RABGAP1L: variants seen among roughly 807,000 people sequenced by gnomAD.
RABGAP1L encodes the protein RAB GTPase activating protein 1 like, also known as rab GTPase-activating protein 1-like.
A neutral mutation model predicts 137.7 loss-of-function variants in RABGAP1L; 63 were observed. The observed-to-expected ratio is 0.46, with a 90% CI of 0.37 to 0.56. The LOEUF (loss-of-function observed/expected upper bound fraction) is 0.56, where lower values mean the gene tolerates loss of function less well. RABGAP1L is among the 20% of genes least tolerant of loss of function. The pLI is 0.00. For synonymous variants in RABGAP1L, 431 were observed against 433.7 expected (o/e 0.99, Z 0.08); for missense variants, 1,095 against 1,244.0 (o/e 0.88, Z 1.80).
intron 13 of RABGAP1L, among the ~76,000 whole-genome samples, chr1:174,538,975 A>G (rs1274399674): frequency 6.6e-6 from 1 of 152,156 alleles, no homozygotes; most frequent in African/African-American, 2.4e-5. Flanking sequence ...TAGGCACTAG[A>G]GATAGACTGC....
rs75408856 is a variant in RABGAP1L at position 174,407,005 on chromosome 1, A to G, written c.1710+12860A>G. Among the ~76,000 whole-genome samples the G allele has an allele frequency of 7.2e-4, 110 of 152,296 alleles. 1 individual carries two copies. Among genetic ancestry groups the G allele is most frequent in the African/African-American group, 2.3e-3 (95 of 41,568 alleles). ...AGCACATATTTCTAGAACATATTTA[A>G]TTTATGTTTCATTGGGTAATATGGT... On this transcript the variant is annotated intron_variant, in intron 13 of 25. Coordinates refer to ENST00000681986, the MANE Select transcript of RABGAP1L (RefSeq NM_001366446.1).
rs192584721 is a variant in RABGAP1L, at chr1:174,876,108, T to C, written c.2340+64148T>C. 8.3e-4 allele frequency among the ~76,000 whole-genome samples: 127 copies of C among 152,268 alleles called. 1 individual carries two copies. Among genetic ancestry groups the C allele is most frequent in the Non-Finnish European group, 1.2e-3 (83 of 68,004 alleles). ...GGACAAGGTGTTATACAAGTAATCA[T>C]GTTAATGTAGATGAAAAAAATACTT... On this transcript the variant is annotated intron_variant, in intron 19 of 25. Coordinates refer to ENST00000681986, the MANE Select transcript of RABGAP1L (RefSeq NM_001366446.1).
intron 13 of RABGAP1L, among the ~76,000 whole-genome samples, chr1:174,551,047 T>C (rs1199178453): frequency 1.4e-4 from 19 of 137,090 alleles, no homozygotes; most frequent in African/African-American, 2.3e-4. Flanking sequence ...CATATATATA[T>C]ACACACAAAA....
intron 11 of RABGAP1L, among the ~76,000 whole-genome samples, chr1:174,321,570 T>C (rs1679990901): frequency 6.6e-6 from 1 of 152,162 alleles, no homozygotes; most frequent in Non-Finnish European, 1.5e-5. Flanking sequence ...AGAACCTACA[T>C]TGAAATATTG....
chr1:174,527,362 C>T (rs538612148), intron 13 of RABGAP1L, among the ~76,000 whole-genome samples: 1 of 152,068 alleles, frequency 6.6e-6, no homozygotes, highest in African/African-American at 2.4e-5. Flanking sequence ...GCCACCATGC[C>T]CCGTGAATTT....
chr1:174,486,193 C>T (rs1344340517), intron 13 of RABGAP1L, among the ~76,000 whole-genome samples: 2 of 149,606 alleles, frequency 1.3e-5, no homozygotes, highest in Non-Finnish European at 3.0e-5. Context: ...TCCTTTTTCA[C>T]CTCTGATTCT....
rs192497187 is a variant in RABGAP1L at position 174,463,635 on chromosome 1, C to T, written c.1710+69490C>T. Among the ~76,000 whole-genome samples the T allele has an allele frequency of 4.5e-4, 69 of 151,972 alleles. 1 individual carries two copies. The highest frequency in any genetic ancestry group is 1.4e-3 in the Admixed American group (21 of 15,258). ...ATGTAACTAACCTGTACATTGTGCA[C>T]ATGTACCCTAAAACTTAAAGTATAA... On this transcript the variant is annotated intron_variant, in intron 13 of 25. Transcript: ENST00000681986.
At chr1:174,685,308 A>C (rs1448825063) in intron 15 of RABGAP1L, among the ~76,000 whole-genome samples, 1 of 152,126 alleles carries the variant, frequency 6.6e-6, no homozygotes, top group Non-Finnish European at 1.5e-5. Context: ...GCTGGAATGC[A>C]GTGGCACAAT....
At chr1:174,853,100 A>G (rs1363837413) in intron 19 of RABGAP1L, among the ~76,000 whole-genome samples, 1 of 152,050 alleles carries the variant, frequency 6.6e-6, no homozygotes, top group African/African-American at 2.4e-5. Flanking sequence ...AGAGTAGCAA[A>G]AATTATATTA....
In RABGAP1L at chr1:174,714,868, T is replaced by A. The variant is rs559084884; in HGVS notation, c.2169+12612T>A. Among the ~76,000 whole-genome samples the A allele has an allele frequency of 1.4e-4, 21 of 152,332 alleles. No homozygotes were observed. In the South Asian group the frequency reaches 4.4e-3, roughly 32 times the overall value. On this transcript the variant is annotated intron_variant, in intron 17 of 25. Coordinates refer to ENST00000681986, the MANE Select transcript of RABGAP1L (RefSeq NM_001366446.1). Reference sequence around the variant, plus strand: ...CTAAGTATTTCTAGTGTGTGTGTAATTTAAGACTAAAATTCTTAATGTTGA... The same window carrying A: ...CTAAGTATTTCTAGTGTGTGTGTAAATTAAGACTAAAATTCTTAATGTTGA...
intron 14 of RABGAP1L, among the ~76,000 whole-genome samples, chr1:174,660,537 C>T (rs1326052134): frequency 6.6e-6 from 1 of 152,170 alleles, no homozygotes; most frequent in Non-Finnish European, 1.5e-5. Flanking sequence ...TATCTCCTAC[C>T]TGGTCACCTT....
intron 19 of RABGAP1L, among the ~76,000 whole-genome samples, chr1:174,866,144 A>G (rs894468236): frequency 2.0e-5 from 3 of 150,190 alleles, no homozygotes; most frequent in African/African-American, 7.4e-5. Flanking sequence ...AGAGAGAGAG[A>G]GAGAGAGAGA....
At chr1:174,747,315 T>A (rs1391055758) in intron 17 of RABGAP1L, among the ~76,000 whole-genome samples, 1 of 150,692 alleles carries the variant, frequency 6.6e-6, no homozygotes, top group Non-Finnish European at 1.5e-5. Flanking sequence ...GTTGAGAGGA[T>A]TGCTTGAGCC....
intron 13 of RABGAP1L, among the ~76,000 whole-genome samples, chr1:174,463,542 A>T (rs570543577): frequency 2.0e-5 from 3 of 152,110 alleles, no homozygotes; most frequent in African/African-American, 7.2e-5. Context: ...GGATAGCATT[A>T]GGAGATATAC....
At chr1:174,528,660 T>G (rs1360911310) in intron 13 of RABGAP1L, among the ~76,000 whole-genome samples, 2 of 151,990 alleles carry the variant, frequency 1.3e-5, no homozygotes, top group Non-Finnish European at 2.9e-5. Context: ...TGTCTTTGAC[T>G]TTAGACAATT....
chr1:174,530,748 C>T (rs1019762043), intron 13 of RABGAP1L, among the ~76,000 whole-genome samples: 22 of 151,996 alleles, frequency 1.4e-4, no homozygotes, highest in Non-Finnish European at 3.1e-4. Flanking sequence ...TTTGGTTCTT[C>T]TTAGTGGAGG....
chr1:174,327,954 TAA>T (rs1571236214), intron 11 of RABGAP1L, among the ~76,000 whole-genome samples: 1 of 74,074 alleles, frequency 1.3e-5, no homozygotes, highest in African/African-American at 8.9e-5. Flanking sequence ...ATAACAGTTG[TAA>T]ATATATATAT....
chr1:174,825,654 T>TGGTG (rs1018196240), intron 19 of RABGAP1L, among the ~76,000 whole-genome samples: 1 of 152,162 alleles, frequency 6.6e-6, no homozygotes, highest in African/African-American at 2.4e-5. Flanking sequence ...GAGGCCAAGG[T>TGGTG]GGTGGATCAC....
intron 14 of RABGAP1L, among the ~76,000 whole-genome samples, chr1:174,655,575 C>G (rs1675900208): frequency 6.6e-6 from 1 of 152,096 alleles, no homozygotes; most frequent in African/African-American, 2.4e-5. Flanking sequence ...GGTGTGTCTA[C>G]CAGGCTACTC....
Sources: allele counts gnomAD v4.1 joint callset (sites outside exome capture counted in the v4.1 genomes callset), GRCh38; gene constraint gnomAD v4.1.1; transcripts MANE v1.5; gene names NCBI Gene and HGNC (gene_info 2026-07-23, HGNC 2026-07-21).